The following BATF variants were observed in gnomAD, a reference collection of about 807,000 sequenced individuals.
BATF encodes the protein basic leucine zipper transcriptional factor ATF-like.
Under a neutral mutation model 13.7 loss-of-function variants are expected in BATF, and 5 were observed. The ratio of observed to expected loss-of-function variants is 0.36; its 90% CI spans 0.19 to 0.77. BATF has a LOEUF of 0.77. Ranked by LOEUF, BATF falls within the 30% of genes least tolerant of loss-of-function variation. The probability of loss-of-function intolerance (pLI) is 0.51; values close to 1 mark genes in which losing one functional copy is unlikely to be tolerated. For missense variants in BATF, 124 were observed against 163.0 expected (o/e 0.76, Z 1.30); for synonymous variants, 72 against 67.5 (o/e 1.07, Z -0.33).
intron 2 of BATF, among the ~76,000 whole-genome samples, chr14:75,530,290 A>G (rs1690642872): frequency 6.6e-6 from 1 of 152,194 alleles, no homozygotes; most frequent in African/African-American, 2.4e-5. Context: ...AGCTAGTAGT[A>G]GAGTCTGCAT....
chr14:75,527,909 C>T (rs961705856), intron 2 of BATF, among the ~76,000 whole-genome samples: 2 of 152,230 alleles, frequency 1.3e-5, no homozygotes, highest in Admixed American at 6.5e-5. Flanking sequence ...GCCAATGCAA[C>T]TTATGTTTCT....
chr14:75,530,382 G>A lies in BATF; in HGVS notation c.168+5194G>A, dbSNP rs528680568. Among the ~76,000 whole-genome samples, 55 of 152,270 alleles carry A rather than the reference G, an allele frequency of 3.6e-4. No homozygotes were observed. The South Asian group carries it at 9.5e-3, about 26-fold the overall frequency. Reference sequence around the variant, plus strand: ...TGCGACTCAGCAATTTGACATCCAGGAGTGTGTTCACAAACAAATCCACAC... The same window carrying A: ...TGCGACTCAGCAATTTGACATCCAGAAGTGTGTTCACAAACAAATCCACAC... On this transcript the variant is annotated intron_variant, in intron 2 of 2. Transcript: ENST00000286639.
At chr14:75,524,725 C>A (rs1887626002) in intron 1 of BATF, among the ~76,000 whole-genome samples, 1 of 151,250 alleles carries the variant, frequency 6.6e-6, no homozygotes, top group African/African-American at 2.4e-5. Flanking sequence ...AGCCTAAAGG[C>A]CAAAAAGTGA....
chr14:75,523,411 G>A (rs1204058158), intron 1 of BATF, among the ~76,000 whole-genome samples: 1 of 152,114 alleles, frequency 6.6e-6, no homozygotes, highest in Non-Finnish European at 1.5e-5. Context: ...AGGTGGCTCT[G>A]GAAATTTGTT....
intron 2 of BATF, among the ~76,000 whole-genome samples, chr14:75,538,097 T>C (rs1242066963): frequency 1.3e-5 from 2 of 152,194 alleles, no homozygotes; most frequent in Non-Finnish European, 2.9e-5. Flanking sequence ...TAGCTGGGAC[T>C]ACAGGTGTGT....
intron 1 of BATF, among the ~76,000 whole-genome samples, chr14:75,524,498 C>G (rs1437519634): frequency 6.6e-6 from 1 of 152,026 alleles, no homozygotes; most frequent in Non-Finnish European, 1.5e-5. Flanking sequence ...GGGCTCAGCA[C>G]CAGAAGATGT....
chr14:75,538,894 C>T (rs758756175), intron 2 of BATF, among the ~76,000 whole-genome samples: 14 of 152,204 alleles, frequency 9.2e-5, no homozygotes, highest in Non-Finnish European at 1.8e-4. Context: ...GAGCGAGACA[C>T]GGTCTCAAAA....
chr14:75,539,630 G>A (rs1225103057), intron 2 of BATF, among the ~76,000 whole-genome samples: 1 of 151,898 alleles, frequency 6.6e-6, no homozygotes, highest in East Asian at 1.9e-4. Context: ...CTGAGGGCAC[G>A]GCTGATGTGG....
chr14:75,545,603 T>G (rs1887970420), intron 2 of BATF, among the ~76,000 whole-genome samples: 1 of 151,978 alleles, frequency 6.6e-6, no homozygotes, highest in Non-Finnish European at 1.5e-5. Flanking sequence ...TCCAGTGACT[T>G]TATTTGTAAG....
intron 2 of BATF, among the ~76,000 whole-genome samples, chr14:75,541,079 ACT>A (rs1182076172): frequency 1.3e-5 from 2 of 152,180 alleles, no homozygotes; most frequent in South Asian, 2.1e-4. Flanking sequence ...ACAGAGAGAG[ACT>A]CTGTCTCAAA....
intron 2 of BATF, among the ~76,000 whole-genome samples, chr14:75,535,728 T>C (rs1241929906): frequency 1.3e-5 from 2 of 152,014 alleles, no homozygotes; most frequent in Non-Finnish European, 2.9e-5. Flanking sequence ...AAAACAGGTG[T>C]CCCAGTAAAT....
chr14:75,524,192 C>T (rs1385486870), intron 1 of BATF, among the ~76,000 whole-genome samples: 1 of 152,218 alleles, frequency 6.6e-6, no homozygotes, highest in East Asian at 1.9e-4. Flanking sequence ...GCTAACCTCT[C>T]TGCCCAGGCA....
intron 2 of BATF, among the ~76,000 whole-genome samples, chr14:75,534,009 A>G: frequency 6.6e-6 from 1 of 152,186 alleles, no homozygotes; most frequent in East Asian, 1.9e-4. Context: ...AGAACACTTG[A>G]ACTGCCTAGA....
At chr14:75,545,816 ACACT>A (rs905532653) in intron 2 of BATF, among the ~76,000 whole-genome samples, 1 of 151,980 alleles carries the variant, frequency 6.6e-6, no homozygotes, top group African/African-American at 2.4e-5. Flanking sequence ...GCAGAGGAAC[ACACT>A]CACACACACC....
chr14:75,544,144 A>T (rs1421265182), intron 2 of BATF, among the ~76,000 whole-genome samples: 1 of 152,216 alleles, frequency 6.6e-6, no homozygotes, highest in African/African-American at 2.4e-5. Flanking sequence ...TTAAAATAAT[A>T]TTTAACTAGT....
At chr14:75,546,406 C>T in intron 2 of BATF, 56 bp from the exon 3 acceptor site, 1 of 1,585,696 alleles carries the variant, frequency 6.3e-7, no homozygotes, top group Non-Finnish European at 8.6e-7. Context: ...CCGCACCCCA[C>T]CCACCTTGCC....
In BATF at chr14:75,522,626, G is replaced by C; in HGVS notation, c.-57G>C. Reference sequence around the variant, plus strand: ...AAGTCAGGAAGGGAGCCCAGCTGGTGACAAGAGAGCCCAGAGGTGCCTGGG... The same window carrying C: ...AAGTCAGGAAGGGAGCCCAGCTGGTCACAAGAGAGCCCAGAGGTGCCTGGG... On this transcript the variant is annotated 5_prime_UTR_variant, in exon 1 of 3. An upstream open reading frame in the 5' UTR loses its in-frame stop. Transcript: ENST00000286639. The C allele has an allele frequency of 6.2e-7, 1 of 1,607,598 alleles. No homozygotes were observed.
intron 1 of BATF, 76 bp downstream of exon 1, chr14:75,522,821 T>C (rs1753562924): frequency 6.3e-7 from 1 of 1,575,428 alleles, no homozygotes; most frequent in Non-Finnish European, 8.7e-7. Flanking sequence ...TTCCTTGTCC[T>C]GCCCAGGGAG....
intron 2 of BATF, among the ~76,000 whole-genome samples, chr14:75,544,786 A>C (rs1185880698): frequency 1.4e-4 from 15 of 108,998 alleles, no homozygotes; most frequent in Non-Finnish European, 2.8e-4. Flanking sequence ...TGCCTTTTGA[A>C]CTGAAATTTT....
Sources: allele counts gnomAD v4.1 joint callset (sites outside exome capture counted in the v4.1 genomes callset), GRCh38; gene constraint gnomAD v4.1.1; transcripts MANE v1.5; gene names NCBI Gene and HGNC (gene_info 2026-07-23, HGNC 2026-07-21).